The following SLC35F4 variants were observed in gnomAD, a reference collection of about 807,000 sequenced individuals.
SLC35F4 encodes the protein chromosome 14 open reading frame 36.
In SLC35F4, 24 loss-of-function variants were observed where a neutral mutation model predicts 44.2. That is an observed-to-expected ratio of 0.54 (90% CI 0.39 to 0.76). The LOEUF (loss-of-function observed/expected upper bound fraction) is 0.76, where lower values mean the gene tolerates loss of function less well. Among genes scored for constraint, SLC35F4 ranks in the 30% least tolerant of loss-of-function variants. The probability of loss-of-function intolerance (pLI) is 0.00; values close to 1 mark genes in which losing one functional copy is unlikely to be tolerated. For missense variants in SLC35F4, 562 were observed against 586.1 expected (o/e 0.96, Z 0.42); for synonymous variants, 238 against 223.6 (o/e 1.06, Z -0.57).
At chr14:57,946,913 G>A (rs986574888) in intron 1 of SLC35F4, among the ~76,000 whole-genome samples, 1 of 152,002 alleles carries the variant, frequency 6.6e-6, no homozygotes, top group African/African-American at 2.4e-5. Flanking sequence ...TCCAGATTTG[G>A]GTTTGTTTTT....
intron 4 of SLC35F4, among the ~76,000 whole-genome samples, chr14:57,580,816 G>A (rs983565259): frequency 9.2e-5 from 14 of 152,026 alleles, no homozygotes; most frequent in African/African-American, 3.1e-4. Flanking sequence ...CCATCTGGTG[G>A]GGGGAATGGG....
chr14:57,763,272 C>A (rs939035267), intron 1 of SLC35F4, among the ~76,000 whole-genome samples: 1 of 152,048 alleles, frequency 6.6e-6, no homozygotes, highest in East Asian at 1.9e-4. Flanking sequence ...TCAAGAGATA[C>A]CTTGATGTTT....
rs1490959502 is a variant in SLC35F4 at position 57,755,718 on chromosome 14, T to A, written c.103+110005A>T. Among the ~76,000 whole-genome samples the A allele has an allele frequency of 2.2e-5, 3 of 133,532 alleles. No homozygotes were observed. In the South Asian group the frequency reaches 8.2e-4, roughly 36 times the overall value. The allele number at this position is 133,532 out of a possible 152,430, so 87.6% of individuals were successfully genotyped here. On this transcript the variant is annotated intron_variant, in intron 1 of 7. Transcript: ENST00000556826. The stretch of plus-strand genomic sequence containing the variant: ...CTCTCTTACCAAAACTTATGCTTCA[T>A]AGTTTACTGCAGTTTTACTAAATTG...
chr14:57,839,507 C>T (rs990161009), intron 1 of SLC35F4, among the ~76,000 whole-genome samples: 1 of 152,066 alleles, frequency 6.6e-6, no homozygotes, highest in Non-Finnish European at 1.5e-5. Flanking sequence ...TGAATGTTCT[C>T]GTTTGTAAGT....
intron 1 of SLC35F4, among the ~76,000 whole-genome samples, chr14:57,802,804 G>A (rs578021163): frequency 6.6e-6 from 1 of 152,166 alleles, no homozygotes; most frequent in East Asian, 1.9e-4. Context: ...AACAAGTTCT[G>A]AAATTGAGGC....
chr14:57,885,791 G>A (rs1006412385), intron 1 of SLC35F4, among the ~76,000 whole-genome samples: 2 of 152,094 alleles, frequency 1.3e-5, no homozygotes, highest in Non-Finnish European at 2.9e-5. Flanking sequence ...TAATTCCTAT[G>A]CAGTCTTCAT....
intron 1 of SLC35F4, among the ~76,000 whole-genome samples, chr14:57,674,059 C>CTTAA (rs1341661671): frequency 6.6e-6 from 1 of 151,816 alleles, no homozygotes; most frequent in African/African-American, 2.4e-5. Context: ...TTACTTTTAT[C>CTTAA]TTAAGTTCAG....
chr14:57,916,551 A>T (rs1188140580), intron 1 of SLC35F4, among the ~76,000 whole-genome samples: 4 of 152,100 alleles, frequency 2.6e-5, no homozygotes, highest in Non-Finnish European at 5.9e-5. Context: ...CTTAGTCATT[A>T]TTGCTTCAAA....
intron 1 of SLC35F4, among the ~76,000 whole-genome samples, chr14:57,667,541 G>A (rs1181320234): frequency 7.3e-6 from 1 of 136,356 alleles, no homozygotes. Context: ...GTGTCCACAT[G>A]TTCTCAATGT....
At chr14:57,710,797 TG>T (rs566029089) in intron 1 of SLC35F4, among the ~76,000 whole-genome samples, 19 of 152,182 alleles carry the variant, frequency 1.2e-4, no homozygotes, top group African/African-American at 4.6e-4. Context: ...CTGCTTGGAA[TG>T]GGGATATTTA....
At chr14:57,934,162 A>G (rs2141067925) in intron 1 of SLC35F4, among the ~76,000 whole-genome samples, 1 of 151,972 alleles carries the variant, frequency 6.6e-6, no homozygotes, top group African/African-American at 2.4e-5. Flanking sequence ...ACTAATCTTC[A>G]CGGAAAATTC....
chr14:57,716,985 G>T (rs2075962683), intron 1 of SLC35F4, among the ~76,000 whole-genome samples: 1 of 152,054 alleles, frequency 6.6e-6, no homozygotes, highest in African/African-American at 2.4e-5. Flanking sequence ...GTCTTTCTAT[G>T]CTTGTCTTAT....
chr14:57,570,034 CG>C (rs2139690606), intron 5 of SLC35F4, 54 bp from the exon 6 acceptor site: 1 of 1,495,186 alleles, frequency 6.7e-7, no homozygotes, highest in South Asian at 1.4e-5. Flanking sequence ...AGAGCAGAAA[CG>C]TAAGTCTTAC....
chr14:57,968,419 A>G (rs560281733), intron 1 of SLC35F4, among the ~76,000 whole-genome samples: 32 of 152,354 alleles, frequency 2.1e-4, no homozygotes, highest in African/African-American at 6.0e-4. Flanking sequence ...GATACTCCAC[A>G]GGATGACTAC....
chr14:57,742,800 C>T (rs999842029), intron 1 of SLC35F4, among the ~76,000 whole-genome samples: 2 of 152,118 alleles, frequency 1.3e-5, no homozygotes, highest in Non-Finnish European at 2.9e-5. Context: ...ACACTTATTC[C>T]AAAATTGACC....
intron 1 of SLC35F4, among the ~76,000 whole-genome samples, chr14:57,787,027 T>C (rs1266422974): frequency 6.6e-6 from 1 of 151,564 alleles, no homozygotes; most frequent in Non-Finnish European, 1.5e-5. Flanking sequence ...ATACAAGAAG[T>C]GAAGGGAGAA....
At chr14:57,578,618 C>T (rs2068995723) in intron 4 of SLC35F4, 2 of 152,018 alleles carry the variant, frequency 1.3e-5, no homozygotes, top group Non-Finnish European at 2.9e-5. Flanking sequence ...TACACGTTAC[C>T]ATTCTTCCGG....
At chr14:57,796,718 G>C (rs1030067456) in intron 1 of SLC35F4, among the ~76,000 whole-genome samples, 14 of 152,112 alleles carry the variant, frequency 9.2e-5, no homozygotes, top group Non-Finnish European at 1.6e-4. Flanking sequence ...AAATAAGTAG[G>C]CATAGCTGGC....
intron 1 of SLC35F4, among the ~76,000 whole-genome samples, chr14:57,605,821 A>G (rs1303283158): frequency 6.6e-6 from 1 of 152,194 alleles, no homozygotes; most frequent in Non-Finnish European, 1.5e-5. Context: ...CAACACAGAT[A>G]CAACTGAAAA....
Sources: allele counts gnomAD v4.1 joint callset (sites outside exome capture counted in the v4.1 genomes callset), GRCh38; gene constraint gnomAD v4.1.1; transcripts MANE v1.5; gene names NCBI Gene and HGNC (gene_info 2026-07-23, HGNC 2026-07-21).